The following FOXP1 variants were observed in gnomAD, a reference collection of about 807,000 sequenced individuals.
FOXP1 encodes the protein forkhead box protein P1.
Under a neutral mutation model 98.2 loss-of-function variants are expected in FOXP1, and 15 were observed. The observed-to-expected ratio is 0.15, with a 90% CI of 0.10 to 0.24. The LOEUF (loss-of-function observed/expected upper bound fraction) is 0.24. Ranked by LOEUF, FOXP1 falls within the 10% of genes least tolerant of loss-of-function variation. The probability of loss-of-function intolerance (pLI) is 1.00; values close to 1 mark genes in which losing one functional copy is unlikely to be tolerated. For missense variants in FOXP1, 633 were observed against 848.5 expected, an observed-to-expected ratio of 0.75 and a Z score of 3.15; for synonymous variants, 371 against 314.5, an observed-to-expected ratio of 1.18 and a Z score of -1.90.
chr3:71,150,855 T>G (rs1212253678), intron 6 of FOXP1, among the ~76,000 whole-genome samples: 1 of 152,176 alleles, frequency 6.6e-6, no homozygotes, highest in Admixed American at 6.5e-5. Flanking sequence ...CGTTACGGTC[T>G]CTTTTTTCCT....
At chr3:71,248,765 A>G (rs897329707) in intron 5 of FOXP1, among the ~76,000 whole-genome samples, 1 of 151,346 alleles carries the variant, frequency 6.6e-6, no homozygotes, top group African/African-American at 2.4e-5. Context: ...AAAATTCAGC[A>G]TGAAGTCGAA....
At chr3:70,989,692 C>T (rs2040311082) in intron 13 of FOXP1, among the ~76,000 whole-genome samples, 1 of 151,998 alleles carries the variant, frequency 6.6e-6, no homozygotes, top group Admixed American at 6.6e-5. Context: ...ATTAAGAAAT[C>T]AGTTGTATTT....
chr3:70,970,653 A>C, intron 19 of FOXP1, 83 bp downstream of exon 19: 1 of 1,129,578 alleles, frequency 8.9e-7, no homozygotes, highest in South Asian at 1.2e-5. Context: ...TTAATATCTA[A>C]TTAGAGCAAG....
chr3:71,101,589 T>G (rs2056964333), intron 7 of FOXP1, among the ~76,000 whole-genome samples: 2 of 146,080 alleles, frequency 1.4e-5, no homozygotes, highest in Admixed American at 1.4e-4. Context: ...ACATGGCCAC[T>G]AAATTTAGTG....
At position 71,045,787 on chromosome 3, in the gene FOXP1, C is replaced by T. The variant is rs150598864; in HGVS notation, c.664+1155G>A. 4.1e-4 allele frequency among the ~76,000 whole-genome samples: 62 copies of T among 152,266 alleles called. No individual in the cohort carries two copies. In the East Asian group the frequency reaches 0.011, roughly 28 times the overall value. On this transcript the variant is annotated intron_variant, in intron 10 of 20. Coordinates refer to ENST00000649528, the MANE Select transcript of FOXP1 (RefSeq NM_001349338.3). ...AAAGATTCAAATGCAGACATGCTTC[C>T]CTGACTTCACTTGACACCAAAAGTT...
chr3:71,421,868 G>A (rs896398839), intron 3 of FOXP1, among the ~76,000 whole-genome samples: 31 of 152,310 alleles, frequency 2.0e-4, no homozygotes, highest in Middle Eastern at 3.4e-3. Flanking sequence ...TAGCCTCCCA[G>A]CTGCCTCTGA....
rs532233871 is a variant in FOXP1 at position 70,982,705 on chromosome 3, T to A, written c.1147-4676A>T. Among the ~76,000 whole-genome samples the A allele has an allele frequency of 5.3e-3, 807 of 152,156 alleles. 3 individuals are homozygous for A. Among genetic ancestry groups the A allele is most frequent in the Admixed American group, 0.01 (160 of 15,282 alleles). The stretch of plus-strand genomic sequence containing the variant: ...ATTCTGCTTAGTCCCTTTTTTTTTT[T>A]AATTAATTAATCTTTCTTTAGTTTT... On this transcript the variant is annotated intron_variant, in intron 14 of 20. Coordinates refer to ENST00000649528, the MANE Select transcript of FOXP1 (RefSeq NM_001349338.3).
At chr3:71,270,683 G>A (rs2070258950) in intron 5 of FOXP1, among the ~76,000 whole-genome samples, 1 of 152,192 alleles carries the variant, frequency 6.6e-6, no homozygotes, top group Non-Finnish European at 1.5e-5. Context: ...TGTTTTAACT[G>A]GGTTGATCTT....
At chr3:71,185,253 T>C (rs920263270) in intron 6 of FOXP1, among the ~76,000 whole-genome samples, 16 of 150,856 alleles carry the variant, frequency 1.1e-4, no homozygotes, top group Non-Finnish European at 2.2e-4. Context: ...AATTGTGAGA[T>C]ATAAGTGATC....
intron 6 of FOXP1, among the ~76,000 whole-genome samples, chr3:71,182,530 GTGTATA>G (rs1351562740): frequency 3.4e-5 from 5 of 147,598 alleles, no homozygotes; most frequent in Non-Finnish European, 6.0e-5. Flanking sequence ...GTGTGTGTGT[GTGTATA>G]TATGTATATA....
At chr3:71,444,778 C>T (rs1163432437) in intron 3 of FOXP1, among the ~76,000 whole-genome samples, 1 of 152,078 alleles carries the variant, frequency 6.6e-6, no homozygotes, top group Non-Finnish European at 1.5e-5. Context: ...AGATAAGAAG[C>T]CAAAATCAAA....
chr3:71,462,859 T>C (rs779215280), intron 3 of FOXP1, among the ~76,000 whole-genome samples: 75 of 152,238 alleles, frequency 4.9e-4, no homozygotes, highest in Admixed American at 5.9e-4. Context: ...ACTGCTGAAC[T>C]TGGCCTAGCA....
At position 71,581,692 on chromosome 3, in the gene FOXP1, C is replaced by T. The variant is rs886058868; in HGVS notation, c.-441G>A. ...GCGCTCTCTTCCTCTTACAAACTTT[C>T]GGGTTCTGCAGTCGACAAGAAACCG... On this transcript the variant is annotated 5_prime_UTR_variant, in exon 2 of 21. Transcript: ENST00000649528. The T allele has an allele frequency of 4.1e-6, 4 of 985,764 alleles. No homozygotes were observed. Among genetic ancestry groups the T allele is most frequent in the Non-Finnish European group, 4.8e-6 (4 of 830,096 alleles). 61.1% of individuals were successfully genotyped at this position (985,764 alleles called of 1,614,324 possible). A position where few individuals can be genotyped will look rare whatever the true frequency, so the allele number is the denominator to read the frequency against.
intron 5 of FOXP1, among the ~76,000 whole-genome samples, chr3:71,200,890 C>T (rs2063631913): frequency 6.6e-6 from 1 of 152,130 alleles, no homozygotes; most frequent in South Asian, 2.1e-4. Flanking sequence ...CAGAAAAATT[C>T]ACATGTTTCT....
rs1157273092 is a variant in FOXP1 at position 70,958,429 on chromosome 3, T to G, written c.*818A>C. 8 of 448,680 alleles carry G rather than the reference T, an allele frequency of 1.8e-5. No individual in the cohort carries two copies. The East Asian group carries it at 3.3e-4, about 18-fold the overall frequency. The allele number at this position is 448,680 out of a possible 1,614,324, so 27.8% of individuals were successfully genotyped here. ...TTGAAAAAGACCAAAACGGAATGTT[T>G]TCTGACTTTAGAGAAACGTGGTGAT... On this transcript the variant is annotated 3_prime_UTR_variant, in exon 21 of 21. Transcript: ENST00000649528.
At chr3:71,401,212 G>A (rs2081940189) in intron 3 of FOXP1, among the ~76,000 whole-genome samples, 1 of 152,126 alleles carries the variant, frequency 6.6e-6, no homozygotes, top group South Asian at 2.1e-4. Flanking sequence ...TGCCCCCTGG[G>A]TACCAACAGT....
intron 7 of FOXP1, among the ~76,000 whole-genome samples, chr3:71,086,637 C>T (rs1359330058): frequency 6.6e-6 from 1 of 152,192 alleles, no homozygotes; most frequent in East Asian, 1.9e-4. Context: ...GAGGCAGGGA[C>T]TGAAATCCCA....
intron 7 of FOXP1, among the ~76,000 whole-genome samples, chr3:71,079,628 GA>G (rs2054200928): frequency 6.6e-6 from 1 of 152,076 alleles, no homozygotes; most frequent in South Asian, 2.1e-4. Flanking sequence ...GTTACTATTT[GA>G]CAATTAAGAA....
intron 2 of FOXP1, among the ~76,000 whole-genome samples, chr3:71,546,474 A>C (rs1413138421): frequency 6.6e-6 from 1 of 152,056 alleles, no homozygotes; most frequent in Non-Finnish European, 1.5e-5. Flanking sequence ...CCTTTAAGAA[A>C]CTTTTCGATG....
Sources: allele counts gnomAD v4.1 joint callset (sites outside exome capture counted in the v4.1 genomes callset), GRCh38; gene constraint gnomAD v4.1.1; transcripts MANE v1.5; gene names NCBI Gene and HGNC (gene_info 2026-07-23, HGNC 2026-07-21).